Variants in ZNF385D observed in about 807,000 individuals in gnomAD.
The protein encoded by ZNF385D is zinc finger protein 385D.
In ZNF385D, 15 loss-of-function variants were observed where a neutral mutation model predicts 35.8. The ratio of observed to expected loss-of-function variants is 0.42; its 90% CI spans 0.28 to 0.64. The LOEUF (loss-of-function observed/expected upper bound fraction) is 0.64. ZNF385D is among the 30% of genes least tolerant of loss of function. The probability of loss-of-function intolerance (pLI) is 0.23; values close to 1 mark genes in which losing one functional copy is unlikely to be tolerated. For missense variants in ZNF385D, 474 were observed against 494.6 expected (o/e 0.96, Z 0.39); for synonymous variants, 212 against 186.8 (o/e 1.13, Z -1.10).
chr3:21,655,343 A>G (rs376000820), intron 2 of ZNF385D, among the ~76,000 whole-genome samples: 1 of 152,028 alleles, frequency 6.6e-6, no homozygotes. Context: ...TTTTAGATTC[A>G]AAGTTTAGTG....
intron 2 of ZNF385D, among the ~76,000 whole-genome samples, chr3:22,216,558 A>G (rs1241765937): frequency 6.6e-6 from 1 of 152,160 alleles, no homozygotes; most frequent in Non-Finnish European, 1.5e-5. Flanking sequence ...TGAAAATACA[A>G]GGAAAACGTG....
At chr3:21,864,562 C>A (rs953511688) in intron 3 of ZNF385D, among the ~76,000 whole-genome samples, 1 of 152,026 alleles carries the variant, frequency 6.6e-6, no homozygotes, top group African/African-American at 2.4e-5. Context: ...ACCTCACAAT[C>A]TTTGGCACAG....
intron 2 of ZNF385D, among the ~76,000 whole-genome samples, chr3:22,362,324 G>A (rs1427860542): frequency 6.6e-6 from 1 of 151,632 alleles, no homozygotes; most frequent in Admixed American, 6.6e-5. Flanking sequence ...GGAATATATT[G>A]GTTTAGACAA....
chr3:21,988,111 TG>T (rs1450213853), intron 3 of ZNF385D, among the ~76,000 whole-genome samples: 1 of 128,624 alleles, frequency 7.8e-6, no homozygotes, highest in East Asian at 2.3e-4. Flanking sequence ...GCCTTTGGTT[TG>T]AATGTCCTCC....
chr3:21,628,262 G>C (rs1432021122), intron 2 of ZNF385D, among the ~76,000 whole-genome samples: 2 of 152,084 alleles, frequency 1.3e-5, no homozygotes, highest in African/African-American at 4.8e-5. Flanking sequence ...TGTCAGATGG[G>C]ATTCAGTTTA....
intron 3 of ZNF385D, among the ~76,000 whole-genome samples, chr3:21,844,736 C>T (rs1298327675): frequency 6.6e-6 from 1 of 151,916 alleles, no homozygotes; most frequent in Non-Finnish European, 1.5e-5. Context: ...ATTGCACTGT[C>T]ACTAAATTGT....
intron 2 of ZNF385D, among the ~76,000 whole-genome samples, chr3:21,614,348 C>T (rs1416941232): frequency 6.6e-6 from 1 of 152,188 alleles, no homozygotes; most frequent in Non-Finnish European, 1.5e-5. Context: ...GGACACCAGT[C>T]AGACTGGATT....
chr3:21,763,201 A>G (rs2070694357), intron 3 of ZNF385D, among the ~76,000 whole-genome samples: 1 of 152,158 alleles, frequency 6.6e-6, no homozygotes, highest in Admixed American at 6.5e-5. Context: ...CTGAGGAAAG[A>G]AAAACCCAAG....
At chr3:21,495,634 G>A (rs1705776650) in intron 4 of ZNF385D, among the ~76,000 whole-genome samples, 2 of 151,866 alleles carry the variant, frequency 1.3e-5, no homozygotes, top group Admixed American at 1.3e-4. Context: ...ATCACAATTA[G>A]AGAAACTGGA....
In ZNF385D at chr3:22,083,895, T is replaced by C. The variant is rs1022664530; in HGVS notation, c.325+84922A>G. Among the ~76,000 whole-genome samples the C allele has an allele frequency of 1.1e-4, 16 of 152,252 alleles. No homozygotes were observed. The East Asian group carries it at 1.2e-3, about 11-fold the overall frequency. ...TAACAGCTGATCTCTCAGCAGAAAC[T>C]CTACAAGCCAGAAGAGAGTGGGGGC... On this transcript the variant is annotated intron_variant, in intron 3 of 5. Transcript: ENST00000494108.
intron 2 of ZNF385D, among the ~76,000 whole-genome samples, chr3:22,255,712 T>C (rs1559481972): frequency 6.6e-6 from 1 of 151,746 alleles, no homozygotes. Context: ...TTGTGAGAAG[T>C]GGTAAAGTTT....
intron 4 of ZNF385D, among the ~76,000 whole-genome samples, chr3:21,507,209 A>T (rs529105875): frequency 6.6e-6 from 1 of 152,278 alleles, no homozygotes; most frequent in South Asian, 2.1e-4. Context: ...TTTTAGAGAA[A>T]ACCGCCAAAT....
rs182617138 is a variant in ZNF385D at position 22,217,474 on chromosome 3, A to G, written c.107-48439T>C. Among the ~76,000 whole-genome samples, 650 of 152,286 alleles carry G rather than the reference A, an allele frequency of 4.3e-3. 3 individuals carry two copies. Among genetic ancestry groups the G allele is most frequent in the African/African-American group, 0.015 (631 of 41,582 alleles). ...ATACAGAGGTGCACTTCACTCCAGT[A>G]TGACCTCTTAACGAATTACCTCTAC... On this transcript the variant is annotated intron_variant, in intron 2 of 5. Transcript: ENST00000494108.
intron 3 of ZNF385D, among the ~76,000 whole-genome samples, chr3:21,894,780 A>G (rs680002): frequency 0.14 from 21,824 of 152,114 alleles, 1,811 homozygotes; most frequent in Middle Eastern, 0.18. Context: ...ACAAGCAGCA[A>G]TAAGTTTTAG....
intron 2 of ZNF385D, among the ~76,000 whole-genome samples, chr3:21,645,077 C>T (rs2065712333): frequency 6.6e-6 from 1 of 152,178 alleles, no homozygotes; most frequent in Admixed American, 6.5e-5. Flanking sequence ...ACCTTGAAGG[C>T]TTCTAAATCA....
chr3:22,137,717 T>G (rs1313653645), intron 3 of ZNF385D, among the ~76,000 whole-genome samples: 2 of 152,162 alleles, frequency 1.3e-5, no homozygotes, highest in Admixed American at 1.3e-4. Context: ...AATATCATAC[T>G]GAATGGACAA....
At chr3:22,333,785 G>A (rs1183866282) in intron 2 of ZNF385D, among the ~76,000 whole-genome samples, 1 of 152,180 alleles carries the variant, frequency 6.6e-6, no homozygotes, top group Non-Finnish European at 1.5e-5. Flanking sequence ...TCCCCTCTGA[G>A]TTGGTGCAGA....
chr3:22,172,952 G>A (rs1247679683), intron 2 of ZNF385D, among the ~76,000 whole-genome samples: 1 of 152,166 alleles, frequency 6.6e-6, no homozygotes, highest in South Asian at 2.1e-4. Flanking sequence ...GAGAAAAGTA[G>A]CTTTATAGTG....
At chr3:21,692,955 A>G (rs1381315016) in intron 1 of ZNF385D, among the ~76,000 whole-genome samples, 1 of 152,186 alleles carries the variant, frequency 6.6e-6, no homozygotes, top group Non-Finnish European at 1.5e-5. Flanking sequence ...GGTAATCACT[A>G]TTTTAAATAA....
Sources: allele counts gnomAD v4.1 joint callset (sites outside exome capture counted in the v4.1 genomes callset), GRCh38; gene constraint gnomAD v4.1.1; transcripts MANE v1.5; gene names NCBI Gene and HGNC (gene_info 2026-07-23, HGNC 2026-07-21).